SLC45A3: variants seen among roughly 807,000 people sequenced by gnomAD.
SLC45A3 encodes solute carrier family 45 member 3.
A neutral mutation model predicts 35.3 loss-of-function variants in SLC45A3; 17 were observed. The ratio of observed to expected loss-of-function variants is 0.48; its 90% CI spans 0.33 to 0.72. SLC45A3 has a LOEUF of 0.72. SLC45A3 is among the 30% of genes least tolerant of loss of function. The probability of loss-of-function intolerance (pLI) is 0.02; values close to 1 mark genes in which losing one functional copy is unlikely to be tolerated. For missense variants in SLC45A3, 597 were observed against 731.7 expected, an observed-to-expected ratio of 0.82 and a Z score of 2.12; for synonymous variants, 288 against 334.3, an observed-to-expected ratio of 0.86 and a Z score of 1.51.
chr1:205,667,276 C>A (rs918801320), intron 1 of SLC45A3, among the ~76,000 whole-genome samples: 1 of 152,140 alleles, frequency 6.6e-6, no homozygotes, highest in Non-Finnish European at 1.5e-5. Flanking sequence ...GAGGCCAAAG[C>A]AGGCAAATTA....
rs116523316 is a variant in SLC45A3 at position 205,665,788 on chromosome 1, G to A, written c.-230-902C>T. On this transcript the variant is annotated intron_variant, in intron 1 of 4. Coordinates refer to ENST00000367145, the MANE Select transcript of SLC45A3 (RefSeq NM_033102.3). ...CCTTCCTGCTAGCCCTGCCTCCTGT[G>A]CAGAAAGAACCATCCTGTACCTCCC... Among the ~76,000 whole-genome samples the A allele has an allele frequency of 3.5e-3, 530 of 152,274 alleles. 3 individuals are homozygous for A. Among genetic ancestry groups the A allele is most frequent in the African/African-American group, 0.011 (476 of 41,562 alleles).
chr1:205,670,292 A>G (rs1671188644), intron 1 of SLC45A3, among the ~76,000 whole-genome samples: 1 of 152,176 alleles, frequency 6.6e-6, no homozygotes, highest in South Asian at 2.1e-4. Flanking sequence ...ACGGCATTAG[A>G]CAACCACGGC....
rs986693257 is a variant in SLC45A3, at chr1:205,679,519, C to A, written c.-231+875G>T. Among the ~76,000 whole-genome samples, 4 of 152,102 alleles carry A rather than the reference C, an allele frequency of 2.6e-5. No individual in the cohort carries two copies. In the East Asian group the frequency reaches 7.7e-4, roughly 29 times the overall value. On this transcript the variant is annotated intron_variant, in intron 1 of 4. Transcript: ENST00000367145. Reference sequence around the variant, plus strand: ...CTTTTCTAGCAAGCCTGCCTAGGCCCAGAGCTCTGAGAAGCTGCACGGGAT... The same window carrying A: ...CTTTTCTAGCAAGCCTGCCTAGGCCAAGAGCTCTGAGAAGCTGCACGGGAT...
chr1:205,669,460 C>T lies in SLC45A3; in HGVS notation c.-230-4574G>A, dbSNP rs950103220. Among the ~76,000 whole-genome samples, 2 of 152,186 alleles carry T rather than the reference C, an allele frequency of 1.3e-5. No individual in the cohort carries two copies. Among genetic ancestry groups the T allele is most frequent in the Non-Finnish European group, 1.5e-5 (1 of 68,014 alleles). On this transcript the variant is annotated intron_variant, in intron 1 of 4. Coordinates refer to ENST00000367145, the MANE Select transcript of SLC45A3 (RefSeq NM_033102.3). The surrounding 1 kb of genome is among the most constrained non-coding windows in gnomAD (Gnocchi z 4.1). ...TCTTTGAGGGCTTTCAAAGGGGCTT[C>T]TGCCACCCCGCATGGCTGAGGTGGA...
At chr1:205,674,457 C>T (rs950544070) in intron 1 of SLC45A3, among the ~76,000 whole-genome samples, 32 of 151,478 alleles carry the variant, frequency 2.1e-4, no homozygotes, top group African/African-American at 7.5e-4. Flanking sequence ...TGTGGTGGCA[C>T]GTGCCTGTAA....
In SLC45A3 at chr1:205,662,482, G is replaced by A; in HGVS notation, c.958+351C>T. The A allele has an allele frequency of 7.8e-7, 1 of 1,282,424 alleles. No individual in the cohort carries two copies. The highest frequency in any genetic ancestry group is 9.8e-7 in the Non-Finnish European group (1 of 1,015,330). The allele number at this position is 1,282,424 out of a possible 1,614,324, so 79.4% of individuals were successfully genotyped here. A position where few individuals can be genotyped will look rare whatever the true frequency, so the allele number is the denominator to read the frequency against. On this transcript the variant is annotated intron_variant, in intron 3 of 4. Coordinates refer to ENST00000367145, the MANE Select transcript of SLC45A3 (RefSeq NM_033102.3). The surrounding 1 kb of genome is among the most constrained non-coding windows in gnomAD (Gnocchi z 6.2). ...CTGGAAGGCGCTGGTGAGATTATTT[G>A]GAAAGTCGTTGGGGGAGCAGAGGGC...
intron 1 of SLC45A3, among the ~76,000 whole-genome samples, chr1:205,679,686 A>G: frequency 1.6e-4 from 1 of 6,364 alleles, no homozygotes; most frequent in African/African-American, 3.7e-4. Context: ...GGACACAGTA[A>G]CACACACACA....
At chr1:205,671,689 G>A (rs965647791) in intron 1 of SLC45A3, among the ~76,000 whole-genome samples, 4 of 152,042 alleles carry the variant, frequency 2.6e-5, no homozygotes, top group Admixed American at 6.5e-5. Context: ...GTGAAACCCC[G>A]TCTCTACTAA....
chr1:205,672,272 A>G (rs1260058425), intron 1 of SLC45A3, among the ~76,000 whole-genome samples: 1 of 152,074 alleles, frequency 6.6e-6, no homozygotes, highest in Non-Finnish European at 1.5e-5. Context: ...TAGCAGCAAG[A>G]GGAATGCCAA....
intron 1 of SLC45A3, among the ~76,000 whole-genome samples, chr1:205,676,675 T>C (rs1431501560): frequency 6.6e-6 from 1 of 152,194 alleles, no homozygotes; most frequent in Non-Finnish European, 1.5e-5. Flanking sequence ...TGTGGACTTC[T>C]TCCCGTGGAG....
rs1671386546 is a variant in SLC45A3 at position 205,680,383 on chromosome 1, C to G, written c.-231+11G>C. ...CCCTCACCCCTGGGAGAGGAGGGGG[C>G]GCGCTCCTACCTGGCCGAGGCGCGC... On this transcript the variant is annotated intron_variant, in intron 1 of 4. Coordinates refer to ENST00000367145, the MANE Select transcript of SLC45A3 (RefSeq NM_033102.3). The G allele has an allele frequency of 6.6e-6, 1 of 151,956 alleles. No homozygotes were observed. The highest frequency in any genetic ancestry group is 6.5e-5 in the Admixed American group (1 of 15,276). The allele number at this position is 151,956 out of a possible 1,614,324, so 9.4% of individuals were successfully genotyped here.
chr1:205,663,527 GA>G lies in SLC45A3; in HGVS notation c.263del (p.Phe88SerfsTer11). 6.2e-7 allele frequency: 1 copy of G among 1,613,102 alleles called. No homozygotes were observed. The highest frequency in any genetic ancestry group is 8.5e-7 in the Non-Finnish European group (1 of 1,180,022). On this transcript the variant is annotated frameshift_variant, in exon 3 of 5. Transcript: ENST00000367145. LOFTEE classifies it high-confidence loss of function. ...WRGRYGRRRP[F>X]IWALSLGILL... ...GGATGCCCAAGGACAGTGCCCAGAT[GA>G]AGGGCCGGCGGCGGCCATAGCGTCC...
chr1:205,679,338 A>G (rs558283737), intron 1 of SLC45A3, among the ~76,000 whole-genome samples: 1 of 152,190 alleles, frequency 6.6e-6, no homozygotes, highest in African/African-American at 2.4e-5. Context: ...TGGAGTGGGG[A>G]AAAGCTGAGC....
intron 1 of SLC45A3, among the ~76,000 whole-genome samples, chr1:205,670,573 G>C (rs2102407664): frequency 6.6e-6 from 1 of 152,300 alleles, no homozygotes; most frequent in East Asian, 1.9e-4. Flanking sequence ...CCTGGTGCCT[G>C]CCTCCCCCAG....
rs533926263 is a variant in SLC45A3 at position 205,662,976 on chromosome 1, C to T, written c.815G>A (p.Arg272His). The T allele has an allele frequency of 6.2e-6, 10 of 1,613,516 alleles. No homozygotes were observed. In the East Asian group the frequency reaches 6.7e-5, roughly 11 times the overall value. Residue 272 changes from arginine to histidine, a missense_variant, in exon 3 of 5, where the codon CGC (arginine) becomes CAC (histidine). By Grantham distance (29) the Arg-to-His change is conservative. This residue lies in a region of SLC45A3 where 555 missense variants were observed against 664.9 expected (regional missense o/e 0.83). Coordinates refer to ENST00000367145, the MANE Select transcript of SLC45A3 (RefSeq NM_033102.3). This position sits in a 1 kb window ranked among gnomAD's most constrained non-coding sequence, Gnocchi z 6.2. Reference sequence around the variant, plus strand: ...GCACAGCTCAGCCACGAAGAGCCGGCGCAGGGTGCGGGGCATGCGGCAGCA... The same window carrying T: ...GCACAGCTCAGCCACGAAGAGCCGGTGCAGGGTGCGGGGCATGCGGCAGCA... Reference protein sequence around the residue: ...QLCCRMPRTLRRLFVAELCSW... With the variant: ...QLCCRMPRTLHRLFVAELCSW...
intron 1 of SLC45A3, among the ~76,000 whole-genome samples, chr1:205,673,082 C>T (rs1409457876): frequency 6.6e-6 from 1 of 152,192 alleles, no homozygotes; most frequent in Non-Finnish European, 1.5e-5. Context: ...TGCCCACACA[C>T]TCTCAGGTAC....
chr1:205,665,743 C>T (rs756511699), intron 1 of SLC45A3, among the ~76,000 whole-genome samples: 5 of 152,166 alleles, frequency 3.3e-5, no homozygotes, highest in Non-Finnish European at 5.9e-5. Flanking sequence ...TTTCAATTTT[C>T]AGCAGAGAAG....
chr1:205,663,722 G>C (rs532678294), intron 2 of SLC45A3, 104 bp from the exon 3 acceptor site: 1 of 1,155,178 alleles, frequency 8.7e-7, no homozygotes, highest in African/African-American at 1.5e-5. Context: ...TTCCGTACTC[G>C]ACACTGTGCT....
At chr1:205,675,360 G>C (rs1351141176) in intron 1 of SLC45A3, among the ~76,000 whole-genome samples, 1 of 152,168 alleles carries the variant, frequency 6.6e-6, no homozygotes, top group Non-Finnish European at 1.5e-5. Flanking sequence ...CCCTGGAAAA[G>C]AGGGATTCGC....
Sources: gnomAD v4.1 joint callset for allele counts (sites outside exome capture counted in the v4.1 genomes callset) on GRCh38, gnomAD v4.1.1 for gene constraint, gnomAD v4.1.1 regional missense constraint, Gnocchi (gnomAD v3.1) non-coding constraint, MANE v1.5 for transcripts, NCBI Gene and HGNC (gene_info 2026-07-23, HGNC 2026-07-21) for gene names.